TRAPPC9: variants seen among roughly 807,000 people sequenced by gnomAD.
TRAPPC9 encodes trafficking protein particle complex subunit 9, also known as IKK2 binding protein.
Under a neutral mutation model 124.0 loss-of-function variants are expected in TRAPPC9, and 83 were observed. That is an observed-to-expected ratio of 0.67 (90% CI 0.56 to 0.80). The LOEUF is 0.80. Ranked by LOEUF, TRAPPC9 falls within the 30% of genes least tolerant of loss-of-function variation. The pLI, the probability that TRAPPC9 is intolerant of heterozygous loss-of-function variation, is 0.00. For missense variants in TRAPPC9, 1,302 were observed against 1,508.3 expected (o/e 0.86, Z 2.27); for synonymous variants, 638 against 617.5 (o/e 1.03, Z -0.49).
Position 139,907,141 on chromosome 8 carries a change from C to G in TRAPPC9, c.2964+3006G>C, listed in dbSNP as rs548888449. 8.2e-4 allele frequency among the ~76,000 whole-genome samples: 125 copies of G among 152,258 alleles called. No homozygotes were observed. The highest frequency in any genetic ancestry group is 5.6e-4 in the Non-Finnish European group (38 of 68,024). ...CTCCTAAGAACAAGCAAATCTGTAC[C>G]ATATTTGTCATTAACAGGTGAAGAG... On this transcript the variant is annotated intron_variant, in intron 20 of 22. Transcript: ENST00000438773. The surrounding 1 kb of genome is among the most constrained non-coding windows in gnomAD (Gnocchi z 4.7).
intron 21 of TRAPPC9, among the ~76,000 whole-genome samples, chr8:139,877,754 T>C (rs1829415027): frequency 6.6e-6 from 1 of 152,116 alleles, no homozygotes; most frequent in Non-Finnish European, 1.5e-5. Context: ...CTGAGGAACA[T>C]GAGGAACATG....
intron 21 of TRAPPC9, among the ~76,000 whole-genome samples, chr8:139,820,916 A>T (rs1825211541): frequency 6.6e-6 from 1 of 152,248 alleles, no homozygotes; most frequent in African/African-American, 2.4e-5. Context: ...ATAATAAGAG[A>T]GTATGTGTGT....
intron 20 of TRAPPC9, among the ~76,000 whole-genome samples, chr8:139,909,830 C>T (rs893308540): frequency 6.6e-6 from 1 of 152,236 alleles, no homozygotes; most frequent in Admixed American, 6.5e-5. Context: ...CTGAGCCCGG[C>T]ACTGATAGGT....
At position 140,166,368 on chromosome 8, in the gene TRAPPC9, G is replaced by A. The variant is rs781057962; in HGVS notation, c.2556+55091C>T. On this transcript the variant is annotated intron_variant, in intron 17 of 22. Transcript: ENST00000438773. ...CCTCTAGGGTGCCAAATGCAACAATGATTGAAAAGTCGTTCCTCCTGGAAG... is the reference window on the plus strand; with the variant it reads ...CCTCTAGGGTGCCAAATGCAACAATAATTGAAAAGTCGTTCCTCCTGGAAG... Among the ~76,000 whole-genome samples, 82 of 152,212 alleles carry A rather than the reference G, an allele frequency of 5.4e-4. 1 individual carries two copies. The highest frequency in any genetic ancestry group is 2.1e-3 in the Admixed American group (32 of 15,288).
At chr8:139,832,636 G>A (rs566311287) in intron 21 of TRAPPC9, among the ~76,000 whole-genome samples, 19 of 152,308 alleles carry the variant, frequency 1.2e-4, no homozygotes, top group East Asian at 5.8e-4. Context: ...ATAAAGGTCC[G>A]CCAGAGTGAG....
chr8:139,856,637 A>G (rs1827815540), intron 21 of TRAPPC9, among the ~76,000 whole-genome samples: 1 of 152,082 alleles, frequency 6.6e-6, no homozygotes, highest in Non-Finnish European at 1.5e-5. Context: ...TCTCAAGAGC[A>G]ACGGCATTAG....
At chr8:140,417,379 TC>T (rs2069974542) in intron 5 of TRAPPC9, among the ~76,000 whole-genome samples, 1 of 151,878 alleles carries the variant, frequency 6.6e-6, no homozygotes, top group Non-Finnish European at 1.5e-5. Flanking sequence ...AACAACCCCA[TC>T]AAAAAGTAAG....
chr8:139,996,209 A>G (rs1471155040), intron 18 of TRAPPC9, among the ~76,000 whole-genome samples: 1 of 150,040 alleles, frequency 6.7e-6, no homozygotes, highest in Non-Finnish European at 1.5e-5. Context: ...AGAAAAATTC[A>G]CCACATGGTG....
At chr8:140,051,287 C>T (rs1841980391) in intron 17 of TRAPPC9, among the ~76,000 whole-genome samples, 1 of 152,228 alleles carries the variant, frequency 6.6e-6, no homozygotes, top group Non-Finnish European at 1.5e-5. Context: ...ACTGTGGGAC[C>T]TGCCAGGATG....
chr8:139,966,414 T>C (rs576773264), intron 19 of TRAPPC9, among the ~76,000 whole-genome samples: 3 of 152,326 alleles, frequency 2.0e-5, no homozygotes, highest in South Asian at 2.1e-4. Flanking sequence ...ACAGGACGCA[T>C]GCTGCACCCT....
chr8:140,269,622 T>C (rs1244983793), intron 15 of TRAPPC9, among the ~76,000 whole-genome samples: 1 of 152,070 alleles, frequency 6.6e-6, no homozygotes, highest in African/African-American at 2.4e-5. Flanking sequence ...GGAGGCTGGA[T>C]AGATATGTAA....
intron 17 of TRAPPC9, among the ~76,000 whole-genome samples, chr8:140,197,367 T>C (rs2062694274): frequency 6.6e-6 from 1 of 152,210 alleles, no homozygotes; most frequent in South Asian, 2.1e-4. Context: ...TTAAAAAGCC[T>C]GTAAAGAGGG....
chr8:139,736,545 T>C (rs1818175606), intron 21 of TRAPPC9, among the ~76,000 whole-genome samples: 1 of 152,170 alleles, frequency 6.6e-6, no homozygotes, highest in African/African-American at 2.4e-5. Context: ...AACCTTCCTA[T>C]GACGGGGCAG....
chr8:139,777,523 G>C lies in TRAPPC9; in HGVS notation c.3056-45321C>G, dbSNP rs187825036. On this transcript the variant is annotated intron_variant, in intron 21 of 22. Transcript: ENST00000438773. ...GTCAACATTTCCTGAATGAGCAAAT[G>C]AATGAAGGAAAGATTTCCTCCTTGA... Among the ~76,000 whole-genome samples the C allele has an allele frequency of 2.0e-5, 3 of 152,208 alleles. No individual in the cohort carries two copies. The South Asian group carries it at 6.2e-4, about 32-fold the overall frequency.
chr8:139,947,924 C>CGAGAGAGA (rs59675753), intron 19 of TRAPPC9, among the ~76,000 whole-genome samples: 43,190 of 83,202 alleles, frequency 0.52, 11,726 homozygotes, highest in East Asian at 0.71. Context: ...AGAGAGAGAG[C>CGAGAGAGA]GAGAGAGAGA....
At chr8:140,144,336 T>C (rs2061425007) in intron 17 of TRAPPC9, among the ~76,000 whole-genome samples, 1 of 152,240 alleles carries the variant, frequency 6.6e-6, no homozygotes. Context: ...TGCTATTTCA[T>C]CAGGTCTACA....
chr8:140,218,882 C>A (rs2131303813), intron 17 of TRAPPC9, among the ~76,000 whole-genome samples: 1 of 152,142 alleles, frequency 6.6e-6, no homozygotes, highest in Middle Eastern at 3.4e-3. Context: ...ATCGCTTGAA[C>A]CCAGGAGGCA....
At chr8:139,785,701 C>T (rs1822184471) in intron 21 of TRAPPC9, among the ~76,000 whole-genome samples, 1 of 151,328 alleles carries the variant, frequency 6.6e-6, no homozygotes, top group South Asian at 2.1e-4. Context: ...TGCACTCCAG[C>T]CTGGGCAACA....
chr8:139,808,938 C>A (rs1109796), intron 21 of TRAPPC9, among the ~76,000 whole-genome samples: 1 of 152,102 alleles, frequency 6.6e-6, no homozygotes, highest in Non-Finnish European at 1.5e-5. Context: ...CAAACAGGCA[C>A]GTACAAGTTT....
Sources: allele counts gnomAD v4.1 joint callset (sites outside exome capture counted in the v4.1 genomes callset), GRCh38; gene constraint gnomAD v4.1.1; non-coding constraint Gnocchi (gnomAD v3.1); transcripts MANE v1.5; gene names NCBI Gene and HGNC (gene_info 2026-07-23, HGNC 2026-07-21).